The following STAU2 variants were observed in gnomAD, a reference collection of about 807,000 sequenced individuals.
STAU2 encodes the protein double-stranded RNA-binding protein Staufen homolog 2.
STAU2 carries 20 observed loss-of-function variants against 65.9 expected under a neutral mutation model. That is an observed-to-expected ratio of 0.30 (90% confidence interval 0.21 to 0.44). STAU2 has a LOEUF of 0.44. STAU2 is among the 20% of genes least tolerant of loss of function. The pLI, the probability that STAU2 is intolerant of heterozygous loss-of-function variation, is 1.00. For synonymous variants in STAU2, 232 were observed against 233.9 expected, an observed-to-expected ratio of 0.99 and a Z score of 0.07; for missense variants, 558 against 683.9, an observed-to-expected ratio of 0.82 and a Z score of 2.05.
intron 13 of STAU2, among the ~76,000 whole-genome samples, chr8:73,495,202 G>A (rs993236139): frequency 1.3e-5 from 2 of 151,458 alleles, no homozygotes; most frequent in Non-Finnish European, 3.0e-5. Context: ...ATCATGTAAG[G>A]AAACTGATAT....
At chr8:73,479,472 G>GCGCACACACACACA (rs1554595263) in intron 13 of STAU2, among the ~76,000 whole-genome samples, 2 of 139,842 alleles carry the variant, frequency 1.4e-5, no homozygotes, top group African/African-American at 2.7e-5. Context: ...TCCCTATTCT[G>GCGCACACACACACA]CACACACACA....
intron 13 of STAU2, among the ~76,000 whole-genome samples, chr8:73,522,417 C>T: frequency 6.6e-6 from 1 of 152,112 alleles, no homozygotes; most frequent in East Asian, 1.9e-4. Flanking sequence ...ACCAATACAA[C>T]CAACTTCCAA....
intron 6 of STAU2, chr8:73,668,864 G>C: frequency 6.0e-6 from 3 of 498,658 alleles, no homozygotes; most frequent in South Asian, 7.5e-5. Context: ...ATAAGTTCAA[G>C]TGGAGAAACA....
At chr8:73,460,044 T>A (rs1044194449) in intron 13 of STAU2, among the ~76,000 whole-genome samples, 1 of 152,154 alleles carries the variant, frequency 6.6e-6, no homozygotes, top group Non-Finnish European at 1.5e-5. Context: ...GGTCAGCACA[T>A]CTCACTTCAC....
chr8:73,552,306 A>C lies in STAU2; in HGVS notation c.1236T>G (p.Ile412Met). The change falls in exon 13 of 15, where the codon ATT becomes ATG. Residue 412 changes from isoleucine to methionine, a missense_variant. Around this residue, in one of 3 missense-constraint regions of STAU2, gnomAD observed 247 missense variants for 270.1 expected, o/e 0.91. Transcript: ENST00000524300. ...PEPTNNTPKG[I>M]LHLSPDVYQE... ...GATAAACATCAGGAGACAAATGAAG[A>C]ATTCCTTTTGGAGCTATAAATAAAA... 1.2e-6 allele frequency: 2 copies of C among 1,611,544 alleles called. No homozygotes were observed. The highest frequency in any genetic ancestry group is 1.7e-6 in the Non-Finnish European group (2 of 1,178,814).
At chr8:73,453,039 C>T (rs893448074) in intron 13 of STAU2, among the ~76,000 whole-genome samples, 16 of 152,154 alleles carry the variant, frequency 1.1e-4, no homozygotes, top group Admixed American at 8.5e-4. Flanking sequence ...AAACCTAATG[C>T]ATTTTGTATT....
At chr8:73,600,461 T>A (rs185351779) in intron 10 of STAU2, among the ~76,000 whole-genome samples, 9 of 152,310 alleles carry the variant, frequency 5.9e-5, no homozygotes, top group African/African-American at 2.2e-4. Context: ...CAGAGCCAGA[T>A]GAATACACAC....
intron 6 of STAU2, among the ~76,000 whole-genome samples, chr8:73,632,439 G>A (rs1038398746): frequency 6.6e-5 from 10 of 152,292 alleles, no homozygotes; most frequent in African/African-American, 2.4e-4. Flanking sequence ...CCACATGGGA[G>A]TAAAGAAAGA....
chr8:73,497,986 T>C (rs1330708181), intron 13 of STAU2, among the ~76,000 whole-genome samples: 2 of 151,832 alleles, frequency 1.3e-5, no homozygotes, highest in Non-Finnish European at 2.9e-5. Flanking sequence ...ACAACTTATG[T>C]ACACGTGGCA....
At chr8:73,662,218 C>T (rs1225911641) in intron 6 of STAU2, among the ~76,000 whole-genome samples, 1 of 152,090 alleles carries the variant, frequency 6.6e-6, no homozygotes, top group Admixed American at 6.5e-5. Flanking sequence ...AAAATATTGT[C>T]CATTTTTGCC....
intron 6 of STAU2, among the ~76,000 whole-genome samples, chr8:73,650,688 T>C (rs1815793086): frequency 6.6e-6 from 1 of 152,202 alleles, no homozygotes; most frequent in Non-Finnish European, 1.5e-5. Context: ...CTGTTGACTT[T>C]TGATCTACAA....
intron 6 of STAU2, chr8:73,670,532 A>T (rs1817600844): frequency 6.6e-6 from 1 of 152,152 alleles, no homozygotes. Context: ...GCATAGAGAA[A>T]GCTCCCCCAG....
chr8:73,631,359 G>A (rs1204446296), intron 6 of STAU2, among the ~76,000 whole-genome samples: 4 of 149,160 alleles, frequency 2.7e-5, no homozygotes, highest in Non-Finnish European at 5.9e-5. Flanking sequence ...CTAGGCAATA[G>A]AGTGAGACCT....
chr8:73,483,550 G>T (rs772463103), intron 13 of STAU2, among the ~76,000 whole-genome samples: 8 of 152,076 alleles, frequency 5.3e-5, no homozygotes, highest in Non-Finnish European at 1.2e-4. Context: ...GATCTAGAGA[G>T]AATTCAATCT....
chr8:73,661,016 A>T (rs936083661), intron 6 of STAU2, among the ~76,000 whole-genome samples: 1 of 152,216 alleles, frequency 6.6e-6, no homozygotes, highest in Admixed American at 6.5e-5. Flanking sequence ...CACTACAGTA[A>T]AGTAAGGTAA....
At chr8:73,709,257 A>T in intron 3 of STAU2, 95 bp from the exon 4 acceptor site, 1 of 1,086,436 alleles carries the variant, frequency 9.2e-7, no homozygotes, top group Admixed American at 3.3e-5. Context: ...TGTATATTTA[A>T]ATTATTTTCA....
At chr8:73,686,752 A>G (rs1818858589) in intron 5 of STAU2, among the ~76,000 whole-genome samples, 1 of 151,966 alleles carries the variant, frequency 6.6e-6, no homozygotes, top group African/African-American at 2.4e-5. Flanking sequence ...AAAAAAGATA[A>G]TGACATATAA....
intron 6 of STAU2, among the ~76,000 whole-genome samples, chr8:73,658,788 C>T (rs746988637): frequency 1.2e-4 from 18 of 152,052 alleles, no homozygotes; most frequent in Non-Finnish European, 2.5e-4. Flanking sequence ...TGGCACGTGC[C>T]TGTAGTCCCA....
chr8:73,741,528 T>C (rs982859226), intron 1 of STAU2, among the ~76,000 whole-genome samples: 5 of 151,872 alleles, frequency 3.3e-5, no homozygotes, highest in Non-Finnish European at 7.4e-5. Context: ...TTTCTTTTTT[T>C]TTGAGACGGA....
Sources: allele counts gnomAD v4.1 joint callset (sites outside exome capture counted in the v4.1 genomes callset), GRCh38; gene constraint gnomAD v4.1.1; regional missense constraint gnomAD v4.1.1; transcripts MANE v1.5; gene names NCBI Gene and HGNC (gene_info 2026-07-23, HGNC 2026-07-21).